FAXDC2: variants seen among roughly 807,000 people sequenced by gnomAD.
FAXDC2 encodes fatty acid hydroxylase domain-containing protein 2.
A neutral mutation model predicts 40.9 loss-of-function variants in FAXDC2; 41 were observed. That is an observed-to-expected ratio of 1.00 (90% CI 0.78 to 1.30). The LOEUF (loss-of-function observed/expected upper bound fraction) is 1.30, where lower values mean the gene tolerates loss of function less well. FAXDC2 is among the 50% of genes most tolerant of loss of function. The probability of loss-of-function intolerance (pLI) is 0.00; values close to 1 mark genes in which losing one functional copy is unlikely to be tolerated. For synonymous variants in FAXDC2, 157 were observed against 149.3 expected (o/e 1.05, Z -0.38); for missense variants, 390 against 408.8 (o/e 0.95, Z 0.40).
intron 4 of FAXDC2, among the ~76,000 whole-genome samples, chr5:154,831,887 T>A (rs1310456009): frequency 4.0e-5 from 6 of 151,742 alleles, no homozygotes; most frequent in Admixed American, 2.0e-4. Flanking sequence ...AAAAAAAAAA[T>A]TTAAGCAGCC....
At chr5:154,840,275 G>A (rs1261123172) in intron 1 of FAXDC2, among the ~76,000 whole-genome samples, 1 of 151,876 alleles carries the variant, frequency 6.6e-6, no homozygotes, top group Non-Finnish European at 1.5e-5. Context: ...TTTTAATAAC[G>A]AGGAGACGGG....
chr5:154,830,106 A>G (rs1760151033), intron 5 of FAXDC2, among the ~76,000 whole-genome samples: 1 of 152,208 alleles, frequency 6.6e-6, no homozygotes, highest in Non-Finnish European at 1.5e-5. Flanking sequence ...TGTCTGGGAA[A>G]GAAGCCAGGA....
chr5:154,840,809 C>T (rs964203591), intron 1 of FAXDC2, among the ~76,000 whole-genome samples: 11 of 152,184 alleles, frequency 7.2e-5, no homozygotes, highest in Non-Finnish European at 1.5e-4. Flanking sequence ...CCTCGGCCTC[C>T]CAAAGTGCCA....
At position 154,849,720 on chromosome 5, in the gene FAXDC2, A is replaced by G. The variant is rs555776845; in HGVS notation, c.-1+763T>C. On this transcript the variant is annotated intron_variant, in intron 1 of 8. Coordinates refer to ENST00000326080, the MANE Select transcript of FAXDC2 (RefSeq NM_032385.5). ...TGTATATCCCACTCAAAGAAATTTA[A>G]TTGGAATTGCACATGAAACTGAAGC... is the stretch of plus-strand genomic sequence containing the variant. Among the ~76,000 whole-genome samples the G allele has an allele frequency of 3.3e-5, 5 of 152,334 alleles. No homozygotes were observed. The South Asian group carries it at 6.2e-4, about 19-fold the overall frequency.
chr5:154,832,160 A>G (rs903580311), intron 4 of FAXDC2, among the ~76,000 whole-genome samples: 2 of 152,126 alleles, frequency 1.3e-5, no homozygotes, highest in Non-Finnish European at 2.9e-5. Context: ...CACACTTTCT[A>G]TGCTTATTTG....
At chr5:154,824,076 C>A in intron 5 of FAXDC2, 1 of 233,442 alleles carries the variant, frequency 4.3e-6, no homozygotes, top group Non-Finnish European at 8.5e-6. Context: ...TGCAGTAGGC[C>A]CAGAGCAAAG....
intron 1 of FAXDC2, among the ~76,000 whole-genome samples, chr5:154,847,491 T>C (rs577239586): frequency 2.4e-4 from 36 of 148,212 alleles, no homozygotes; most frequent in South Asian, 4.3e-4. Flanking sequence ...TTCTTTCTTT[T>C]TTTTTTTTTT....
intron 4 of FAXDC2, among the ~76,000 whole-genome samples, chr5:154,833,336 CT>C (rs1760238991): frequency 6.7e-6 from 1 of 149,118 alleles, no homozygotes; most frequent in Non-Finnish European, 1.5e-5. Context: ...TAATCTTGGC[CT>C]ATCTTAATTT....
intron 5 of FAXDC2, among the ~76,000 whole-genome samples, chr5:154,827,155 A>G (rs2113132332): frequency 6.6e-6 from 1 of 152,196 alleles, no homozygotes; most frequent in South Asian, 2.1e-4. Flanking sequence ...AAATACAAAA[A>G]TTACCCAGGC....
At chr5:154,833,677 CTT>C (rs111583965) in intron 4 of FAXDC2, among the ~76,000 whole-genome samples, 254 of 147,036 alleles carry the variant, frequency 1.7e-3, no homozygotes, top group African/African-American at 5.8e-3. Flanking sequence ...TTCTTTCTTT[CTT>C]TTTTTTTTGA....
chr5:154,827,762 G>A (rs1372718208), intron 5 of FAXDC2, among the ~76,000 whole-genome samples: 1 of 151,970 alleles, frequency 6.6e-6, no homozygotes, highest in African/African-American at 2.4e-5. Context: ...TGCCCAGACT[G>A]GTCTCAAACT....
chr5:154,836,860 A>G (rs1390431038), intron 2 of FAXDC2, among the ~76,000 whole-genome samples: 1 of 152,026 alleles, frequency 6.6e-6, no homozygotes, highest in Non-Finnish European at 1.5e-5. Flanking sequence ...TTTTTAGTAG[A>G]GATGGGGTTT....
At chr5:154,832,097 C>A (rs901718109) in intron 4 of FAXDC2, among the ~76,000 whole-genome samples, 1 of 152,086 alleles carries the variant, frequency 6.6e-6, no homozygotes, top group African/African-American at 2.4e-5. Flanking sequence ...AAAAGATGCA[C>A]ACTAATATAT....
At chr5:154,821,465 G>T (rs757063347) in intron 7 of FAXDC2, 39 bp from the exon 8 acceptor site, 2 of 1,568,072 alleles carry the variant, frequency 1.3e-6, no homozygotes, top group Admixed American at 2.0e-5. Context: ...GGTCCAGGGA[G>T]ATGAAGGGAC....
At chr5:154,826,542 A>AG (rs1198652285) in intron 5 of FAXDC2, among the ~76,000 whole-genome samples, 13 of 151,492 alleles carry the variant, frequency 8.6e-5, no homozygotes, top group East Asian at 5.8e-4. Context: ...AAAAAAAAAA[A>AG]AAAAGAAAAG....
At chr5:154,836,564 C>T (rs181075187) in intron 2 of FAXDC2, among the ~76,000 whole-genome samples, 2 of 152,270 alleles carry the variant, frequency 1.3e-5, no homozygotes, top group East Asian at 3.9e-4. Context: ...CTGTGTGTGC[C>T]TGGGGCTCAT....
At chr5:154,831,621 C>T (rs772735568) in intron 4 of FAXDC2, among the ~76,000 whole-genome samples, 6 of 152,084 alleles carry the variant, frequency 3.9e-5, no homozygotes, top group South Asian at 2.1e-4. Context: ...AGCTAGGACT[C>T]GGCTTTGCTT....
intron 1 of FAXDC2, among the ~76,000 whole-genome samples, chr5:154,847,487 C>CTTTCT (rs754405245): frequency 4.5e-5 from 6 of 132,318 alleles, no homozygotes; most frequent in Non-Finnish European, 1.6e-5. Context: ...TTCTTTCTTT[C>CTTTCT]TTTTTTTTTT....
intron 1 of FAXDC2, among the ~76,000 whole-genome samples, chr5:154,845,645 TCAAAAAACAAAA>T (rs1375113553): frequency 7.1e-6 from 1 of 139,912 alleles, no homozygotes; most frequent in Non-Finnish European, 1.5e-5. Flanking sequence ...AGGAAGACTC[TCAAAAAACAAAA>T]CAAAAAACAA....
Sources: allele counts gnomAD v4.1 joint callset (sites outside exome capture counted in the v4.1 genomes callset), GRCh38; gene constraint gnomAD v4.1.1; transcripts MANE v1.5; gene names NCBI Gene and HGNC (gene_info 2026-07-23, HGNC 2026-07-21).